Variants in ADGRV1 observed in about 807,000 individuals in gnomAD.
ADGRV1 encodes the protein G-protein coupled receptor 98.
Under a neutral mutation model 596.2 loss-of-function variants are expected in ADGRV1, and 359 were observed. The observed-to-expected ratio is 0.60, with a 90% confidence interval of 0.55 to 0.66. ADGRV1 has a LOEUF of 0.66. Among genes scored for constraint, ADGRV1 ranks in the 30% least tolerant of loss-of-function variants. ADGRV1 has a pLI of 0.00. For synonymous variants in ADGRV1, 2,681 were observed against 2,679.2 expected, an observed-to-expected ratio of 1.00 and a Z score of -0.02; for missense variants, 7,274 against 7,575.6, an observed-to-expected ratio of 0.96 and a Z score of 1.48.
intron 85 of ADGRV1, among the ~76,000 whole-genome samples, chr5:91,009,792 T>G (rs945207288): frequency 3.3e-5 from 5 of 152,086 alleles, no homozygotes; most frequent in African/African-American, 1.2e-4. Flanking sequence ...TTGACTGGAT[T>G]TCAAAACATT....
rs775821450 is a variant in ADGRV1, at chr5:90,853,338, G to A, written c.17259G>A (p.Trp5753Ter). The A allele has an allele frequency of 6.2e-7, 1 of 1,613,214 alleles. No individual in the cohort carries two copies. Among genetic ancestry groups the A allele is most frequent in the African/African-American group, 1.3e-5 (1 of 74,888 alleles). Residue 5753 changes from tryptophan (W) to a stop codon, truncating the protein, a stop_gained, in exon 80 of 90, where the codon TGG becomes TGA. Transcript: ENST00000405460. LOFTEE classifies it high-confidence loss of function. ...CPYLSILALH[W>*]YPQQINGHKF... ...ATTTGTCAATATTGGCTCTTCACTG[G>A]TATCCTCAGCAAATCAATGGACACA...
At chr5:90,622,481 G>C (rs532021924) in intron 4 of ADGRV1, 116 bp from the exon 5 acceptor site, 13 of 420,894 alleles carry the variant, frequency 3.1e-5, no homozygotes, top group Non-Finnish European at 5.2e-5. Context: ...CATTCTTATC[G>C]TACAGTGTGG....
At chr5:90,754,074 T>G (rs539271352) in intron 54 of ADGRV1, among the ~76,000 whole-genome samples, 48 of 152,272 alleles carry the variant, frequency 3.2e-4, no homozygotes, top group Non-Finnish European at 5.7e-4. Context: ...ATTTTAGTTG[T>G]GAGTACAGTA....
chr5:90,712,211 A>G (rs1749453322), intron 41 of ADGRV1, 76 bp from the exon 42 acceptor site: 3 of 816,594 alleles, frequency 3.7e-6, no homozygotes, highest in Non-Finnish European at 5.4e-6. Context: ...ACTATATTGT[A>G]TTTCTTTCCA....
At chr5:90,993,283 C>T (rs1290949913) in intron 85 of ADGRV1, among the ~76,000 whole-genome samples, 3 of 151,630 alleles carry the variant, frequency 2.0e-5, no homozygotes, top group Admixed American at 1.3e-4. Flanking sequence ...CTCAGCCTCC[C>T]GAGTAGCTTG....
rs183208875 is a variant in ADGRV1 at position 90,853,467 on chromosome 5, G to A, written c.17388G>A (p.Gln5796=). The part of the protein sequence containing the change: ...MAGKSTCKLV[Q]FTEYSSQQWF... ...GGAAAAGTACATGTAAATTAGTCCAGTTTACAGAGTATAGCAGCCAACAGT... is the reference window on the plus strand; with the variant it reads ...GGAAAAGTACATGTAAATTAGTCCAATTTACAGAGTATAGCAGCCAACAGT... The change falls in exon 80 of 90, where the codon CAG becomes CAA. Residue 5796 remains glutamine (Q), a synonymous_variant. Transcript: ENST00000405460. 8.1e-6 allele frequency: 13 copies of A among 1,612,712 alleles called. No individual in the cohort carries two copies. In the African/African-American group the frequency reaches 1.7e-4, roughly 21 times the overall value.
intron 76 of ADGRV1, among the ~76,000 whole-genome samples, chr5:90,826,456 A>G (rs768084466): frequency 1.3e-5 from 2 of 152,174 alleles, no homozygotes; most frequent in African/African-American, 4.8e-5. Flanking sequence ...TAACTCTTCT[A>G]CCAATTAGCT....
At chr5:90,654,025 T>TA in intron 20 of ADGRV1, 73 bp downstream of exon 20, 1 of 1,442,930 alleles carries the variant, frequency 6.9e-7, no homozygotes. Flanking sequence ...TTTAGATTTT[T>TA]AAAAAAGTGC....
intron 84 of ADGRV1, among the ~76,000 whole-genome samples, chr5:90,972,615 C>A (rs1030285666): frequency 6.6e-5 from 10 of 152,108 alleles, no homozygotes; most frequent in East Asian, 3.9e-4. Flanking sequence ...GGGTAAATAA[C>A]GAAGTGAAGG....
intron 89 of ADGRV1, among the ~76,000 whole-genome samples, chr5:91,155,483 A>T (rs1198383704): frequency 6.6e-6 from 1 of 152,198 alleles, no homozygotes. Context: ...GGTTTCAGCA[A>T]ACACCCTCCC....
At position 90,897,321 on chromosome 5, in the gene ADGRV1, T is replaced by C. The variant is rs569340643; in HGVS notation, c.17856+33464T>C. On this transcript the variant is annotated intron_variant, in intron 83 of 89. Transcript: ENST00000405460. ...AATATTTAAATGATTCAACATTGAA[T>C]TCAACAGGTCTAGATTTTTTACCCT... is the stretch of plus-strand genomic sequence containing the variant. Among the ~76,000 whole-genome samples, 14 of 152,336 alleles carry C rather than the reference T, an allele frequency of 9.2e-5. No individual in the cohort carries two copies. In the South Asian group the frequency reaches 2.7e-3, roughly 29 times the overall value.
At chr5:90,814,809 G>A (rs1762751233) in intron 74 of ADGRV1, among the ~76,000 whole-genome samples, 3 of 152,054 alleles carry the variant, frequency 2.0e-5, no homozygotes, top group Non-Finnish European at 2.9e-5. Context: ...TGGTTTTCGA[G>A]GCCAATTGCT....
chr5:91,090,916 A>T (rs1790327559), intron 86 of ADGRV1, among the ~76,000 whole-genome samples: 1 of 152,194 alleles, frequency 6.6e-6, no homozygotes, highest in African/African-American at 2.4e-5. Flanking sequence ...AGGATAGGAT[A>T]GGATAGGAAT....
At chr5:90,704,303 C>A in intron 35 of ADGRV1, 86 bp from the exon 36 acceptor site, 1 of 820,254 alleles carries the variant, frequency 1.2e-6, no homozygotes, top group Non-Finnish European at 1.9e-6. Flanking sequence ...TTTGCCTGCA[C>A]AATTTATAAG....
At chr5:90,938,519 T>C (rs889957097) in intron 83 of ADGRV1, among the ~76,000 whole-genome samples, 2 of 152,174 alleles carry the variant, frequency 1.3e-5, no homozygotes, top group African/African-American at 4.8e-5. Flanking sequence ...AGTGAATACT[T>C]GTATGAAAGC....
chr5:90,856,061 A>G (rs890033922), intron 82 of ADGRV1, among the ~76,000 whole-genome samples, 160 bp downstream of exon 82: 7 of 152,196 alleles, frequency 4.6e-5, no homozygotes, highest in Non-Finnish European at 8.8e-5. Flanking sequence ...AATTCATTCA[A>G]CAAATATTTA....
At chr5:90,899,016 A>T (rs1281221655) in intron 83 of ADGRV1, among the ~76,000 whole-genome samples, 1 of 152,206 alleles carries the variant, frequency 6.6e-6, no homozygotes, top group African/African-American at 2.4e-5. Flanking sequence ...GGAACTGAGG[A>T]TGTGGCACTC....
At chr5:90,748,089 C>T (rs1754825375) in intron 52 of ADGRV1, among the ~76,000 whole-genome samples, 1 of 152,152 alleles carries the variant, frequency 6.6e-6, no homozygotes, top group Non-Finnish European at 1.5e-5. Context: ...CTATGGGAAG[C>T]ATGAATTTGC....
intron 70 of ADGRV1, 74 bp downstream of exon 70, chr5:90,791,420 T>A: frequency 9.0e-7 from 1 of 1,110,472 alleles, no homozygotes; most frequent in Non-Finnish European, 1.3e-6. Context: ...TACCTCATAA[T>A]CAGTTTGAAA....
Sources: allele counts gnomAD v4.1 joint callset (sites outside exome capture counted in the v4.1 genomes callset), GRCh38; gene constraint gnomAD v4.1.1; transcripts MANE v1.5; gene names NCBI Gene and HGNC (gene_info 2026-07-23, HGNC 2026-07-21).